Variants in ARHGAP42 observed in about 807,000 individuals in gnomAD.
ARHGAP42 encodes the protein Rho GTPase activating protein 42.
A neutral mutation model predicts 125.0 loss-of-function variants in ARHGAP42; 63 were observed. The observed-to-expected ratio is 0.50, with a 90% CI of 0.41 to 0.62. The LOEUF (loss-of-function observed/expected upper bound fraction) is 0.62, where lower values mean the gene tolerates loss of function less well. Ranked by LOEUF, ARHGAP42 falls within the 20% of genes least tolerant of loss-of-function variation. The pLI is 0.00. For missense variants in ARHGAP42, 766 were observed against 1,024.2 expected (o/e 0.75, Z 3.44); for synonymous variants, 339 against 351.0 (o/e 0.97, Z 0.38).
intron 2 of ARHGAP42, among the ~76,000 whole-genome samples, chr11:100,786,466 T>C (rs1403592611): frequency 1.3e-5 from 2 of 152,190 alleles, no homozygotes; most frequent in African/African-American, 4.8e-5. Flanking sequence ...CTTTTTGCAT[T>C]TGCATGTATC....
chr11:100,707,986 A>G (rs890698568), intron 1 of ARHGAP42, among the ~76,000 whole-genome samples: 3 of 152,160 alleles, frequency 2.0e-5, no homozygotes, highest in African/African-American at 4.8e-5. Flanking sequence ...TCTTCATCCA[A>G]TCAGATCTAT....
chr11:100,755,910 A>G (rs1331309904), intron 1 of ARHGAP42, among the ~76,000 whole-genome samples: 5 of 152,176 alleles, frequency 3.3e-5, no homozygotes, highest in East Asian at 1.9e-4. Flanking sequence ...TCATTAGGTT[A>G]TTAACTATTT....
intron 3 of ARHGAP42, among the ~76,000 whole-genome samples, chr11:100,821,950 C>A (rs939303480): frequency 6.6e-6 from 1 of 152,036 alleles, no homozygotes; most frequent in African/African-American, 2.4e-5. Context: ...ACGTTTCTTT[C>A]GATTTCTTCA....
At chr11:100,883,960 G>T (rs1866022104) in intron 4 of ARHGAP42, among the ~76,000 whole-genome samples, 2 of 152,308 alleles carry the variant, frequency 1.3e-5, no homozygotes. Context: ...TTCAATGCTA[G>T]AATTTAATAA....
chr11:100,926,658 G>C (rs1867434111), intron 6 of ARHGAP42, among the ~76,000 whole-genome samples: 1 of 152,102 alleles, frequency 6.6e-6, no homozygotes, highest in Admixed American at 6.6e-5. Flanking sequence ...GTATGTTGAA[G>C]ACAAAAATAA....
At chr11:100,700,225 A>G (rs138930380) in intron 1 of ARHGAP42, among the ~76,000 whole-genome samples, 254 of 152,328 alleles carry the variant, frequency 1.7e-3, no homozygotes, top group African/African-American at 5.1e-3. Context: ...ATTACAGGAC[A>G]CTTCTTTGCT....
At chr11:100,897,920 G>C (rs952328462) in intron 4 of ARHGAP42, among the ~76,000 whole-genome samples, 3 of 152,140 alleles carry the variant, frequency 2.0e-5, no homozygotes, top group Non-Finnish European at 4.4e-5. Context: ...TCCTGTGCTG[G>C]TTTTCAAAGG....
chr11:100,756,196 G>T (rs147319792), intron 1 of ARHGAP42, among the ~76,000 whole-genome samples: 1,858 of 126,918 alleles, frequency 0.015, 46 homozygotes, highest in African/African-American at 0.054. Flanking sequence ...GACTAGCCTG[G>T]TCAATACAGT....
intron 12 of ARHGAP42, among the ~76,000 whole-genome samples, chr11:100,954,815 G>A (rs981454398): frequency 1.3e-5 from 2 of 152,130 alleles, no homozygotes; most frequent in Admixed American, 1.3e-4. Flanking sequence ...AAGGAGCAGA[G>A]AAAAGGTCCA....
chr11:100,988,692 T>C, intron 23 of ARHGAP42, 21 bp from the exon 24 acceptor site: 1 of 1,429,680 alleles, frequency 7.0e-7, no homozygotes, highest in South Asian at 1.3e-5. Context: ...CTGAGTGCTA[T>C]TTATTTATTT....
intron 7 of ARHGAP42, among the ~76,000 whole-genome samples, chr11:100,935,656 T>TCACACACACACA (rs370952044): frequency 7.1e-6 from 1 of 140,662 alleles, no homozygotes; most frequent in African/African-American, 2.7e-5. Flanking sequence ...AGGAAGAAGG[T>TCACACACACACA]CACACACACA....
intron 11 of ARHGAP42, 21 bp downstream of exon 11, chr11:100,948,556 A>C (rs1310603992): frequency 1.3e-6 from 2 of 1,528,108 alleles, no homozygotes; most frequent in South Asian, 2.4e-5. Context: ...GACACATTCT[A>C]TAATTTAGGT....
intron 4 of ARHGAP42, among the ~76,000 whole-genome samples, chr11:100,871,407 A>G (rs1412206622): frequency 3.3e-5 from 5 of 151,836 alleles, no homozygotes; most frequent in African/African-American, 9.7e-5. Context: ...TTAGCCAGGC[A>G]TCGTGGGGCA....
intron 3 of ARHGAP42, among the ~76,000 whole-genome samples, chr11:100,845,307 C>T (rs373894927): frequency 1.1e-4 from 17 of 151,852 alleles, no homozygotes; most frequent in Middle Eastern, 3.4e-3. Flanking sequence ...TATGAGGATG[C>T]GAAGGCATGA....
At chr11:100,813,680 A>C (rs936524631) in intron 3 of ARHGAP42, among the ~76,000 whole-genome samples, 1 of 152,174 alleles carries the variant, frequency 6.6e-6, no homozygotes, top group African/African-American at 2.4e-5. Flanking sequence ...CCAGTCTCAG[A>C]AATTTTTTGC....
intron 1 of ARHGAP42, among the ~76,000 whole-genome samples, chr11:100,728,178 CAT>C (rs148243274): frequency 3.9e-3 from 595 of 152,240 alleles, no homozygotes; most frequent in Middle Eastern, 0.014. Flanking sequence ...AGAAGAAAGA[CAT>C]AGATTTTACT....
intron 3 of ARHGAP42, among the ~76,000 whole-genome samples, chr11:100,834,143 T>G (rs1855575064): frequency 6.6e-6 from 1 of 152,162 alleles, no homozygotes; most frequent in African/African-American, 2.4e-5. Flanking sequence ...AAATACATTC[T>G]TAAGATGATT....
intron 4 of ARHGAP42, among the ~76,000 whole-genome samples, chr11:100,899,223 C>T (rs1866456294): frequency 2.0e-5 from 3 of 152,174 alleles, no homozygotes; most frequent in Non-Finnish European, 4.4e-5. Flanking sequence ...GTTGTGATTT[C>T]TGTTCTTTTA....
chr11:100,708,987 C>G (rs975508186), intron 1 of ARHGAP42, among the ~76,000 whole-genome samples: 2 of 152,080 alleles, frequency 1.3e-5, no homozygotes, highest in African/African-American at 4.8e-5. Context: ...TCTCAAATAC[C>G]TTGTACTATA....
Sources: allele counts gnomAD v4.1 joint callset (sites outside exome capture counted in the v4.1 genomes callset), GRCh38; gene constraint gnomAD v4.1.1; transcripts MANE v1.5; gene names NCBI Gene and HGNC (gene_info 2026-07-23, HGNC 2026-07-21).